ANKRD55: variants seen among roughly 807,000 people sequenced by gnomAD.
ANKRD55 encodes ankyrin repeat domain 55.
Under a neutral mutation model 60.6 loss-of-function variants are expected in ANKRD55, and 41 were observed. The ratio of observed to expected loss-of-function variants is 0.68; its 90% CI spans 0.53 to 0.88. The LOEUF (loss-of-function observed/expected upper bound fraction) is 0.88. Among genes scored for constraint, ANKRD55 ranks in the 40% least tolerant of loss-of-function variants. ANKRD55 has a pLI of 0.00. For synonymous variants in ANKRD55, 264 were observed against 290.3 expected (o/e 0.91, Z 0.92); for missense variants, 732 against 767.6 (o/e 0.95, Z 0.55).
chr5:56,139,995 G>C (rs1196797575), intron 7 of ANKRD55, among the ~76,000 whole-genome samples: 1 of 151,976 alleles, frequency 6.6e-6, no homozygotes, highest in Non-Finnish European at 1.5e-5. Flanking sequence ...TTGAGCCCAG[G>C]GTAAAACTTA....
intron 3 of ANKRD55, among the ~76,000 whole-genome samples, chr5:56,177,049 G>T (rs1445970016): frequency 6.6e-6 from 1 of 152,170 alleles, no homozygotes; most frequent in Non-Finnish European, 1.5e-5. Flanking sequence ...AAATCCCCAA[G>T]AAAGGGTAAA....
intron 5 of ANKRD55, 101 bp from the exon 6 acceptor site, chr5:56,159,994 A>T: frequency 4.1e-6 from 4 of 981,516 alleles, no homozygotes; most frequent in Non-Finnish European, 6.4e-6. Flanking sequence ...GTCAGTTGAA[A>T]GACTCCAAAT....
intron 2 of ANKRD55, among the ~76,000 whole-genome samples, chr5:56,214,416 C>T (rs1759754279): frequency 1.3e-5 from 2 of 152,340 alleles, no homozygotes; most frequent in Middle Eastern, 6.8e-3. Context: ...TGCATTACTT[C>T]ATTAAATCTT....
In ANKRD55 at chr5:56,111,429, A is replaced by T. The variant is rs1438703181; in HGVS notation, c.1319T>A (p.Ile440Asn). ...PPIRTQSLPPITLGNNFLTAS... is the reference protein window; with the variant it reads ...PPIRTQSLPPNTLGNNFLTAS... ...TGTTAGGAAGTTATTGCCCAGGGTG[A>T]TGGGTGGGAGACTCTGCGTTCTGAT... Residue 440 changes from isoleucine (I) to asparagine (N), a missense_variant, in exon 10 of 12, where the codon ATC (isoleucine) becomes AAC (asparagine). Ile to Asn is a moderately radical substitution (Grantham distance 149). Transcript: ENST00000341048. 1 of 1,614,122 alleles carries T rather than the reference A, an allele frequency of 6.2e-7. No individual in the cohort carries two copies. Among genetic ancestry groups the T allele is most frequent in the Non-Finnish European group, 8.5e-7 (1 of 1,180,038 alleles).
At chr5:56,131,774 C>A (rs1159532055) in intron 7 of ANKRD55, among the ~76,000 whole-genome samples, 2 of 97,924 alleles carry the variant, frequency 2.0e-5, no homozygotes, top group African/African-American at 8.1e-5. Context: ...CCAGCCTGGG[C>A]AACAGAGCAA....
chr5:56,217,025 T>A (rs1431576919), intron 2 of ANKRD55, among the ~76,000 whole-genome samples: 1 of 152,218 alleles, frequency 6.6e-6, no homozygotes, highest in Non-Finnish European at 1.5e-5. Context: ...CTACCCAGCT[T>A]CAATGCTTCA....
chr5:56,150,891 T>A (rs574308920), intron 6 of ANKRD55, among the ~76,000 whole-genome samples: 2 of 152,364 alleles, frequency 1.3e-5, no homozygotes, highest in South Asian at 4.1e-4. Flanking sequence ...AAAGCGAGAC[T>A]CCGTCTCAAT....
At chr5:56,218,130 A>T (rs945945715) in intron 2 of ANKRD55, among the ~76,000 whole-genome samples, 7 of 152,206 alleles carry the variant, frequency 4.6e-5, no homozygotes, top group Admixed American at 1.3e-4. Context: ...CTTATGGATG[A>T]GTAAAGGAAG....
At chr5:56,131,721 G>A (rs1213684947) in intron 7 of ANKRD55, among the ~76,000 whole-genome samples, 4 of 147,506 alleles carry the variant, frequency 2.7e-5, no homozygotes, top group East Asian at 2.0e-4. Context: ...GCTTGAACCC[G>A]GGAGGCAGAG....
intron 8 of ANKRD55, among the ~76,000 whole-genome samples, chr5:56,122,886 C>T (rs536561580): frequency 6.6e-6 from 1 of 151,634 alleles, no homozygotes; most frequent in Admixed American, 6.6e-5. Flanking sequence ...ACATGTCAGC[C>T]CCCTGAGTAG....
intron 2 of ANKRD55, among the ~76,000 whole-genome samples, chr5:56,198,446 C>T (rs574761134): frequency 5.2e-4 from 79 of 152,042 alleles, no homozygotes; most frequent in African/African-American, 1.8e-3. Flanking sequence ...CCACCACGCC[C>T]AGCTCATTTT....
intron 2 of ANKRD55, among the ~76,000 whole-genome samples, chr5:56,212,735 G>C (rs1759707486): frequency 2.6e-5 from 4 of 152,196 alleles, no homozygotes; most frequent in Admixed American, 2.6e-4. Context: ...CAGTCCATCT[G>C]GCCTGAAGCC....
At chr5:56,211,044 C>T (rs562365760) in intron 2 of ANKRD55, among the ~76,000 whole-genome samples, 22 of 152,144 alleles carry the variant, frequency 1.4e-4, no homozygotes, top group Non-Finnish European at 2.6e-4. Context: ...TAGTGGTGTG[C>T]GTGAATTTGG....
chr5:56,181,684 G>A lies in ANKRD55; in HGVS notation c.181+1828C>T, dbSNP rs144773275. On this transcript the variant is annotated intron_variant, in intron 3 of 11. Transcript: ENST00000341048. ...CGGCTCACTGCAACCTCCGCCTCCC[G>A]GTTCAAGCAATTCTCGTGCCTCAGC... 4.6e-3 allele frequency among the ~76,000 whole-genome samples: 701 copies of A among 152,150 alleles called. 11 individuals are homozygous for A. The highest frequency in any genetic ancestry group is 0.02 in the Middle Eastern group (6 of 294).
At chr5:56,166,158 T>TTTCTTTCTTCTTTCCTTCCTTCCTTCC (rs1554040812) in intron 5 of ANKRD55, among the ~76,000 whole-genome samples, 1 of 72,426 alleles carries the variant, frequency 1.4e-5, no homozygotes, top group Non-Finnish European at 2.6e-5. Flanking sequence ...TTCTTTCTTC[T>TTTCTTTCTTCTTTCCTTCCTTCCTTCC]TTCCTTCCTT....
chr5:56,100,360 G>A (rs1756235075), intron 11 of ANKRD55, 56 bp from the exon 12 acceptor site: 14 of 1,605,852 alleles, frequency 8.7e-6, no homozygotes, highest in Middle Eastern at 1.7e-4. Flanking sequence ...TAACAGGAAG[G>A]CGGCAGGAGA....
chr5:56,199,700 C>T (rs1759316683), intron 2 of ANKRD55, among the ~76,000 whole-genome samples: 1 of 150,928 alleles, frequency 6.6e-6, no homozygotes, highest in East Asian at 1.9e-4. Context: ...ACCATCCTGG[C>T]TAACACGGTG....
chr5:56,120,919 A>C (rs1757029033), intron 8 of ANKRD55, among the ~76,000 whole-genome samples: 2 of 150,544 alleles, frequency 1.3e-5, no homozygotes, highest in Admixed American at 6.6e-5. Context: ...AAAAAAAAAA[A>C]GATGGTGTGA....
intron 7 of ANKRD55, among the ~76,000 whole-genome samples, chr5:56,137,774 C>A (rs1182795571): frequency 6.6e-6 from 1 of 152,046 alleles, no homozygotes; most frequent in Non-Finnish European, 1.5e-5. Context: ...TTGTAAAAGA[C>A]GTATCTAATA....
Sources: gnomAD v4.1 joint callset for allele counts (sites outside exome capture counted in the v4.1 genomes callset) on GRCh38, gnomAD v4.1.1 for gene constraint, MANE v1.5 for transcripts, NCBI Gene and HGNC (gene_info 2026-07-23, HGNC 2026-07-21) for gene names.